The following SLC39A11 variants were observed in gnomAD, a reference collection of about 807,000 sequenced individuals.
SLC39A11 encodes solute carrier family 39 member 11, also known as zinc transporter ZIP11.
SLC39A11 carries 33 observed loss-of-function variants against 36.1 expected under a neutral mutation model. That is an observed-to-expected ratio of 0.91 (90% CI 0.69 to 1.22). The LOEUF (loss-of-function observed/expected upper bound fraction) is 1.22. SLC39A11 is among the 50% of genes most tolerant of loss of function. The probability of loss-of-function intolerance (pLI) is 0.00; values close to 1 mark genes in which losing one functional copy is unlikely to be tolerated. For synonymous variants in SLC39A11, 166 were observed against 170.3 expected (o/e 0.97, Z 0.20); for missense variants, 432 against 430.3 (o/e 1.00, Z -0.03).
At chr17:72,902,419 G>A (rs961708508) in intron 5 of SLC39A11, among the ~76,000 whole-genome samples, 68 of 143,846 alleles carry the variant, frequency 4.7e-4, no homozygotes, top group African/African-American at 1.7e-3. Context: ...GAAGAGGCAA[G>A]TAAGGATTCT....
rs935568572 is a variant in SLC39A11 at position 72,930,090 on chromosome 17, T to C, written c.430+17662A>G. On this transcript the variant is annotated intron_variant, in intron 5 of 9. Coordinates refer to ENST00000255559, the MANE Select transcript of SLC39A11 (RefSeq NM_139177.4). ...ATGTCCTGTTCTGCAGGTTGAAATA[T>C]ACGATCAAAACCTGCTTTGTGTAGC... Among the ~76,000 whole-genome samples the C allele has an allele frequency of 1.3e-4, 20 of 152,204 alleles. 1 individual carries two copies. Among genetic ancestry groups the C allele is most frequent in the East Asian group, 1.9e-4 (1 of 5,184 alleles).
intron 7 of SLC39A11, among the ~76,000 whole-genome samples, chr17:72,722,589 T>C (rs1364987583): frequency 6.6e-6 from 1 of 152,144 alleles, no homozygotes; most frequent in African/African-American, 2.4e-5. Context: ...CTTTGTTTTA[T>C]CCTGAGCTCC....
intron 5 of SLC39A11, among the ~76,000 whole-genome samples, chr17:72,873,337 TC>T (rs1414751891): frequency 6.6e-6 from 1 of 152,104 alleles, no homozygotes; most frequent in African/African-American, 2.4e-5. Context: ...TGTGATTTCA[TC>T]CCTGAGCCAA....
intron 4 of SLC39A11, among the ~76,000 whole-genome samples, chr17:73,027,780 T>C (rs1041891871): frequency 2.6e-5 from 4 of 152,182 alleles, no homozygotes; most frequent in East Asian, 1.9e-4. Context: ...CTCCCAGGCA[T>C]TGGGGCCTGT....
At chr17:73,059,255 A>G in intron 3 of SLC39A11, among the ~76,000 whole-genome samples, 1 of 152,244 alleles carries the variant, frequency 6.6e-6, no homozygotes, top group Non-Finnish European at 1.5e-5. Flanking sequence ...AGAAATTACA[A>G]ATGTATATTC....
At chr17:72,694,744 G>C (rs1447744977) in intron 7 of SLC39A11, among the ~76,000 whole-genome samples, 1 of 152,214 alleles carries the variant, frequency 6.6e-6, no homozygotes, top group East Asian at 1.9e-4. Context: ...TTTTCCCTTT[G>C]ACAAACCCTG....
At chr17:73,034,178 C>T (rs2058830153) in intron 3 of SLC39A11, among the ~76,000 whole-genome samples, 1 of 152,210 alleles carries the variant, frequency 6.6e-6, no homozygotes, top group South Asian at 2.1e-4. Context: ...ATGGTAAACT[C>T]CCCATCGAAG....
intron 7 of SLC39A11, among the ~76,000 whole-genome samples, chr17:72,668,673 C>T (rs951550342): frequency 4.6e-5 from 7 of 152,238 alleles, no homozygotes; most frequent in African/African-American, 9.6e-5. Flanking sequence ...CCAGTGTCCA[C>T]CACATGGCCA....
intron 7 of SLC39A11, among the ~76,000 whole-genome samples, chr17:72,656,285 A>G (rs2070115842): frequency 6.6e-6 from 1 of 152,250 alleles, no homozygotes; most frequent in Admixed American, 6.5e-5. Context: ...CTGGACCACG[A>G]CACATTAATG....
At chr17:72,715,979 G>A (rs971880119) in intron 7 of SLC39A11, among the ~76,000 whole-genome samples, 1 of 152,076 alleles carries the variant, frequency 6.6e-6, no homozygotes, top group African/African-American at 2.4e-5. Context: ...TTACAGACGT[G>A]AGCCACCGTG....
At chr17:72,737,806 G>A (rs978190705) in intron 6 of SLC39A11, among the ~76,000 whole-genome samples, 1 of 151,874 alleles carries the variant, frequency 6.6e-6, no homozygotes, top group South Asian at 2.1e-4. Flanking sequence ...TAGATCCATC[G>A]CAGCCTCAGG....
chr17:72,864,309 CTTT>C (rs36113238), intron 5 of SLC39A11, among the ~76,000 whole-genome samples: 1 of 138,316 alleles, frequency 7.2e-6, no homozygotes, highest in African/African-American at 2.6e-5. Flanking sequence ...TAAGCATCGG[CTTT>C]TTTTTTTTTT....
At chr17:72,661,720 G>C (rs1007055290) in intron 7 of SLC39A11, among the ~76,000 whole-genome samples, 6 of 152,172 alleles carry the variant, frequency 3.9e-5, no homozygotes, top group African/African-American at 1.2e-4. Flanking sequence ...AGCTGGCTTA[G>C]CACGCAAGGG....
intron 4 of SLC39A11, among the ~76,000 whole-genome samples, chr17:72,956,474 G>A (rs748863268): frequency 6.6e-6 from 1 of 152,220 alleles, no homozygotes; most frequent in Non-Finnish European, 1.5e-5. Flanking sequence ...GAGAGGTAGA[G>A]CTTGGCAGAG....
intron 6 of SLC39A11, among the ~76,000 whole-genome samples, chr17:72,738,841 TG>T (rs1044681694): frequency 1.3e-5 from 2 of 152,154 alleles, no homozygotes; most frequent in Non-Finnish European, 2.9e-5. Context: ...TTCTTTCTTG[TG>T]TCCTGTCTGT....
At chr17:72,648,673 G>A (rs1226729363) in intron 9 of SLC39A11, 130 bp downstream of exon 9, 10 of 1,131,584 alleles carry the variant, frequency 8.8e-6, no homozygotes, top group Non-Finnish European at 1.3e-5. Context: ...CAGTGGGGAT[G>A]ATCTTGGGAA....
At chr17:72,784,403 C>A (rs1027369820) in intron 6 of SLC39A11, among the ~76,000 whole-genome samples, 1 of 151,990 alleles carries the variant, frequency 6.6e-6, no homozygotes, top group African/African-American at 2.4e-5. Flanking sequence ...TAACACAGAG[C>A]AAAGATGTCT....
At chr17:72,711,858 G>T (rs776061287) in intron 7 of SLC39A11, among the ~76,000 whole-genome samples, 2 of 152,142 alleles carry the variant, frequency 1.3e-5, no homozygotes, top group Non-Finnish European at 2.9e-5. Context: ...AAATTCTAAC[G>T]AAAGACATGA....
intron 5 of SLC39A11, among the ~76,000 whole-genome samples, chr17:72,912,236 G>A (rs1049904945): frequency 6.6e-6 from 1 of 151,836 alleles, no homozygotes; most frequent in Non-Finnish European, 1.5e-5. Flanking sequence ...CCTATGATAT[G>A]GACCCTGCAG....
Sources: allele counts gnomAD v4.1 joint callset (sites outside exome capture counted in the v4.1 genomes callset), GRCh38; gene constraint gnomAD v4.1.1; transcripts MANE v1.5; gene names NCBI Gene and HGNC (gene_info 2026-07-23, HGNC 2026-07-21).